Variants in CADPS2 observed in about 807,000 individuals in gnomAD.
CADPS2 encodes calcium dependent secretion activator 2.
A neutral mutation model predicts 172.5 loss-of-function variants in CADPS2; 93 were observed. The ratio of observed to expected loss-of-function variants is 0.54; its 90% CI spans 0.46 to 0.64. CADPS2 has a LOEUF of 0.64. CADPS2 is among the 30% of genes least tolerant of loss of function. The pLI, the probability that CADPS2 is intolerant of heterozygous loss-of-function variation, is 0.00. For synonymous variants in CADPS2, 546 were observed against 555.2 expected (o/e 0.98, Z 0.23); for missense variants, 1,420 against 1,565.9 (o/e 0.91, Z 1.57).
chr7:122,365,998 C>G (rs993444639), intron 25 of CADPS2, among the ~76,000 whole-genome samples: 1 of 152,068 alleles, frequency 6.6e-6, no homozygotes, highest in African/African-American at 2.4e-5. Context: ...ATCATTTACA[C>G]TGCACGTTAT....
intron 1 of CADPS2, among the ~76,000 whole-genome samples, chr7:122,861,524 T>C (rs1031395065): frequency 3.9e-5 from 6 of 152,228 alleles, no homozygotes; most frequent in Non-Finnish European, 7.3e-5. Context: ...GCACAGTTTA[T>C]AATTTCTCTC....
At chr7:122,526,224 C>A (rs1377993780) in intron 8 of CADPS2, among the ~76,000 whole-genome samples, 1 of 151,688 alleles carries the variant, frequency 6.6e-6, no homozygotes, top group African/African-American at 2.4e-5. Context: ...CAGAGTCTCA[C>A]TCTGTTGCCC....
chr7:122,607,685 C>T (rs1468555311), intron 6 of CADPS2, among the ~76,000 whole-genome samples: 1 of 151,976 alleles, frequency 6.6e-6, no homozygotes, highest in Non-Finnish European at 1.5e-5. Flanking sequence ...TTTAAAGATC[C>T]CCAGATTGCT....
intron 2 of CADPS2, among the ~76,000 whole-genome samples, chr7:122,687,218 G>A (rs1382435485): frequency 6.6e-6 from 1 of 152,024 alleles, no homozygotes; most frequent in Non-Finnish European, 1.5e-5. Context: ...GATATACCCT[G>A]GCCATATCTT....
intron 2 of CADPS2, among the ~76,000 whole-genome samples, chr7:122,694,298 G>C (rs930928083): frequency 2.0e-5 from 3 of 152,328 alleles, no homozygotes; most frequent in East Asian, 3.9e-4. Context: ...AAGTAGTGGA[G>C]ATGAGCAGTC....
chr7:122,407,933 C>T, intron 19 of CADPS2: 1 of 425,602 alleles, frequency 2.3e-6, no homozygotes, highest in Non-Finnish European at 4.2e-6. Context: ...ACATTTATTC[C>T]TTTATAAAAG....
chr7:122,570,262 G>C (rs2067051799), intron 7 of CADPS2, among the ~76,000 whole-genome samples: 1 of 152,150 alleles, frequency 6.6e-6, no homozygotes, highest in Admixed American at 6.5e-5. Flanking sequence ...CATTTATGCA[G>C]CCAAAAGACA....
rs187863094 is a variant in CADPS2 at position 122,487,104 on chromosome 7, G to A, written c.1852+2977C>T. Among the ~76,000 whole-genome samples, 167 of 148,988 alleles carry A rather than the reference G, an allele frequency of 1.1e-3. 1 individual carries two copies. Among genetic ancestry groups the A allele is most frequent in the African/African-American group, 3.9e-3 (157 of 40,292 alleles). Reference sequence around the variant, plus strand: ...TATTTCACTGCAACCTCCACCCCTCGGGTTCAAGCAGTTCTCCTACTTCAA... The same window carrying A: ...TATTTCACTGCAACCTCCACCCCTCAGGTTCAAGCAGTTCTCCTACTTCAA... On this transcript the variant is annotated intron_variant, in intron 11 of 29. Transcript: ENST00000449022.
At chr7:122,478,218 T>A (rs1430266242) in intron 12 of CADPS2, among the ~76,000 whole-genome samples, 2 of 152,246 alleles carry the variant, frequency 1.3e-5, no homozygotes, top group African/African-American at 2.4e-5. Context: ...TTATGGTGAC[T>A]AGTTTTAAAC....
chr7:122,747,819 T>C (rs2138250768), intron 1 of CADPS2, among the ~76,000 whole-genome samples: 1 of 134,984 alleles, frequency 7.4e-6, no homozygotes, highest in African/African-American at 3.2e-5. Context: ...CCATTCATGT[T>C]GTTTATGTCA....
intron 6 of CADPS2, among the ~76,000 whole-genome samples, chr7:122,588,730 A>C (rs985439015): frequency 6.6e-6 from 1 of 151,868 alleles, no homozygotes. Flanking sequence ...CTGCTGTCCT[A>C]TGAGAGATTT....
chr7:122,835,424 G>GCTGGA, intron 1 of CADPS2, among the ~76,000 whole-genome samples: 1 of 152,342 alleles, frequency 6.6e-6, no homozygotes, highest in Middle Eastern at 3.4e-3. Flanking sequence ...ATGGAACAAA[G>GCTGGA]CTGGATGGAG....
chr7:122,641,987 G>A (rs2077701489), intron 3 of CADPS2, among the ~76,000 whole-genome samples: 1 of 152,018 alleles, frequency 6.6e-6, no homozygotes. Context: ...TATTAAAAAT[G>A]GAGAAATTGA....
In CADPS2 at chr7:122,450,416, T is replaced by C. The variant is rs534071718; in HGVS notation, c.2288+958A>G. Among the ~76,000 whole-genome samples, 3 of 152,202 alleles carry C rather than the reference T, an allele frequency of 2.0e-5. No individual in the cohort carries two copies. The East Asian group carries it at 5.8e-4, about 29-fold the overall frequency. On this transcript the variant is annotated intron_variant, in intron 15 of 29. Coordinates refer to ENST00000449022, the MANE Select transcript of CADPS2 (RefSeq NM_017954.11). The stretch of plus-strand genomic sequence containing the variant: ...TATGTTAGCATATTTCTGTTTTTAA[T>C]TATTAAGTTCTGTTGAACTAACTAT...
chr7:122,478,010 TATC>T (rs1586455540), intron 12 of CADPS2, among the ~76,000 whole-genome samples: 1 of 152,326 alleles, frequency 6.6e-6, no homozygotes. Flanking sequence ...ATTAAGATAT[TATC>T]TAGTTTCTTA....
At chr7:122,760,063 T>C (rs1322192539) in intron 1 of CADPS2, among the ~76,000 whole-genome samples, 1 of 151,912 alleles carries the variant, frequency 6.6e-6, no homozygotes, top group East Asian at 1.9e-4. Context: ...TGAATAATTT[T>C]ACACACAGTC....
chr7:122,664,531 A>C (rs1433242756), intron 2 of CADPS2, among the ~76,000 whole-genome samples: 2 of 152,196 alleles, frequency 1.3e-5, no homozygotes, highest in Non-Finnish European at 2.9e-5. Flanking sequence ...GGGAAGAGAC[A>C]CCAGAGATTT....
At chr7:122,763,341 T>C (rs35474147) in intron 1 of CADPS2, among the ~76,000 whole-genome samples, 33,583 of 152,012 alleles carry the variant, frequency 0.22, 4,015 homozygotes, top group Middle Eastern at 0.31. Flanking sequence ...GGGGATAGTG[T>C]GATGAGAGTG....
At chr7:122,494,478 C>T (rs2058575506) in intron 9 of CADPS2, among the ~76,000 whole-genome samples, 1 of 151,676 alleles carries the variant, frequency 6.6e-6, no homozygotes, top group African/African-American at 2.4e-5. Context: ...TAAGATATAA[C>T]ATTTCTAAGA....
Sources: allele counts gnomAD v4.1 joint callset (sites outside exome capture counted in the v4.1 genomes callset), GRCh38; gene constraint gnomAD v4.1.1; transcripts MANE v1.5; gene names NCBI Gene and HGNC (gene_info 2026-07-23, HGNC 2026-07-21).